Variants in TNFRSF10D observed in about 807,000 individuals in gnomAD.
The protein encoded by TNFRSF10D is tumor necrosis factor receptor superfamily member 10D.
Under a neutral mutation model 42.1 loss-of-function variants are expected in TNFRSF10D, and 28 were observed. The ratio of observed to expected loss-of-function variants is 0.66; its 90% confidence interval spans 0.49 to 0.91. The LOEUF (loss-of-function observed/expected upper bound fraction) is 0.91, where lower values mean the gene tolerates loss of function less well. Among genes scored for constraint, TNFRSF10D ranks in the 40% least tolerant of loss-of-function variants. TNFRSF10D has a pLI of 0.00. For missense variants in TNFRSF10D, 503 were observed against 486.1 expected (o/e 1.03, Z -0.33); for synonymous variants, 186 against 189.4 (o/e 0.98, Z 0.15).
intron 7 of TNFRSF10D, among the ~76,000 whole-genome samples, chr8:23,140,032 G>A (rs900117364): frequency 2.0e-5 from 3 of 152,144 alleles, no homozygotes; most frequent in East Asian, 3.8e-4. Flanking sequence ...GCTCACGCCT[G>A]TAATCTCAGC....
intron 1 of TNFRSF10D, among the ~76,000 whole-genome samples, chr8:23,161,090 G>A (rs369029186): frequency 8.5e-5 from 13 of 152,370 alleles, no homozygotes; most frequent in East Asian, 1.9e-4. Context: ...GATCCAGTCC[G>A]GAGTGACTGA....
Position 23,136,032 on chromosome 8 carries a change from C to A in TNFRSF10D, c.*1838G>T. Reference sequence around the variant, plus strand: ...ATCCCCTCCTAAAACTCCATGGACACAACAATCTGAATGTGCGAACTTCAG... The same window carrying A: ...ATCCCCTCCTAAAACTCCATGGACAAAACAATCTGAATGTGCGAACTTCAG... On this transcript the variant is annotated 3_prime_UTR_variant, in exon 9 of 9. Coordinates refer to ENST00000312584, the MANE Select transcript of TNFRSF10D (RefSeq NM_003840.5). The A allele has an allele frequency of 2.4e-6, 1 of 408,684 alleles. No homozygotes were observed. Among genetic ancestry groups the A allele is most frequent in the East Asian group, 7.2e-5 (1 of 13,950 alleles). 25.3% of individuals were successfully genotyped at this position (408,684 alleles called of 1,614,324 possible). A position where few individuals can be genotyped will look rare whatever the true frequency, so the allele number is the denominator to read the frequency against.
chr8:23,140,502 T>A (rs546322619), intron 7 of TNFRSF10D, among the ~76,000 whole-genome samples: 1 of 151,870 alleles, frequency 6.6e-6, no homozygotes, highest in Non-Finnish European at 1.5e-5. Context: ...ATAGATAACA[T>A]GAACAAATGG....
rs1487659703 is a variant in TNFRSF10D, at chr8:23,148,497, T to A, written c.311A>T (p.Asp104Val). The part of the protein sequence containing the change: ...GACNPCTEGV[D>V]YTIASNNLPS... ...CAAATTGTTGGAAGCAATGGTGTAATCCACACCCTCTGTGCACGGGTTACA... is the reference window on the plus strand; with the variant it reads ...CAAATTGTTGGAAGCAATGGTGTAAACCACACCCTCTGTGCACGGGTTACA... Residue 104 changes from aspartate (D) to valine (V), a missense_variant, in exon 3 of 9, where the codon GAT becomes GTT. Physicochemically the swap from Asp to Val is radical, Grantham distance 152. Transcript: ENST00000312584. 1 of 1,611,294 alleles carries A rather than the reference T, an allele frequency of 6.2e-7. No individual in the cohort carries two copies. The highest frequency in any genetic ancestry group is 1.3e-5 in the African/African-American group (1 of 74,936).
intron 3 of TNFRSF10D, among the ~76,000 whole-genome samples, chr8:23,147,376 C>G (rs7001784): frequency 0.013 from 1,920 of 152,314 alleles, 57 homozygotes; most frequent in African/African-American, 0.043. Flanking sequence ...AGGAGAGGGG[C>G]CCTTGGGGGA....
At position 23,135,996 on chromosome 8, in the gene TNFRSF10D, C is replaced by T; in HGVS notation, c.*1874G>A. 2.3e-6 allele frequency: 1 copy of T among 439,092 alleles called. No homozygotes were observed. The highest frequency in any genetic ancestry group is 4.6e-6 in the Non-Finnish European group (1 of 219,216). 27.2% of individuals were successfully genotyped at this position (439,092 alleles called of 1,614,324 possible). ...GTGGGAGAGGATGGAAGTGCGAAGACCGGAAAGGCCATCCCCTCCTAAAAC... is the reference window on the plus strand; with the variant it reads ...GTGGGAGAGGATGGAAGTGCGAAGATCGGAAAGGCCATCCCCTCCTAAAAC... On this transcript the variant is annotated 3_prime_UTR_variant, in exon 9 of 9. Coordinates refer to ENST00000312584, the MANE Select transcript of TNFRSF10D (RefSeq NM_003840.5).
chr8:23,135,839 C>A lies in TNFRSF10D; in HGVS notation c.*2031G>T, dbSNP rs892519146. ...GAGGAAGGGACAAAGGAGCTGGGAC[C>A]GGACTGGCTCTCTCTGAGCTTTGAG... is the stretch of plus-strand genomic sequence containing the variant. On this transcript the variant is annotated 3_prime_UTR_variant, in exon 9 of 9. Transcript: ENST00000312584. The A allele has an allele frequency of 2.2e-6, 1 of 447,340 alleles. No homozygotes were observed. The highest frequency in any genetic ancestry group is 1.6e-5 in the South Asian group (1 of 63,242). 27.7% of individuals were successfully genotyped at this position (447,340 alleles called of 1,614,324 possible).
In TNFRSF10D at chr8:23,150,186, C is replaced by T. The variant is rs568938079; in HGVS notation, c.257-1635G>A. 4.6e-5 allele frequency among the ~76,000 whole-genome samples: 7 copies of T among 151,636 alleles called. No homozygotes were observed. In the South Asian group the frequency reaches 1.0e-3, roughly 23 times the overall value. On this transcript the variant is annotated intron_variant, in intron 2 of 8. Coordinates refer to ENST00000312584, the MANE Select transcript of TNFRSF10D (RefSeq NM_003840.5). ...TCTGTCCTAGTGCCAGGTCAGTCCC[C>T]ATGAACTCAGGCTCCAGGCCCTTCC...
intron 2 of TNFRSF10D, among the ~76,000 whole-genome samples, chr8:23,150,170 G>A (rs1177172489): frequency 6.1e-3 from 928 of 152,180 alleles, no homozygotes; most frequent in African/African-American, 0.019. Flanking sequence ...ATCTGTCCTA[G>A]TGCCAGGTCA....
At chr8:23,152,770 T>C (rs1323797886) in intron 2 of TNFRSF10D, among the ~76,000 whole-genome samples, 1 of 152,210 alleles carries the variant, frequency 6.6e-6, no homozygotes, top group Non-Finnish European at 1.5e-5. Flanking sequence ...GAAAACTCAA[T>C]ATTGCTTAAT....
In TNFRSF10D at chr8:23,135,722, C is replaced by T. The variant is rs1187510048; in HGVS notation, c.*2148G>A. 1,318 of 291,716 alleles carry T rather than the reference C, an allele frequency of 4.5e-3. No individual in the cohort carries two copies. Among genetic ancestry groups the T allele is most frequent in the African/African-American group, 0.017 (776 of 45,274 alleles). 18.1% of individuals were successfully genotyped at this position (291,716 alleles called of 1,614,324 possible). A position where few individuals can be genotyped will look rare whatever the true frequency, so the allele number is the denominator to read the frequency against. ...ATCAACCAACGCCAAAAAACCCCAA[C>T]AATTTCATGTTGTCAGGAAGCTTAT... is the stretch of plus-strand genomic sequence containing the variant. On this transcript the variant is annotated 3_prime_UTR_variant, in exon 9 of 9. Transcript: ENST00000312584.
rs34813158 is a variant in TNFRSF10D at position 23,155,240 on chromosome 8, G to GTT, written c.151-263_151-262dup. 1.2e-3 allele frequency among the ~76,000 whole-genome samples: 170 copies of GTT among 143,740 alleles called. 2 individuals carry two copies. The highest frequency in any genetic ancestry group is 4.8e-4 in the Admixed American group (7 of 14,454). 94.3% of individuals were successfully genotyped at this position (143,740 alleles called of 152,430 possible). On this transcript the variant is annotated intron_variant, in intron 1 of 8. Transcript: ENST00000312584. Reference sequence around the variant, plus strand: ...TACCCCAGAAAATATGAGCAGAAGAGTTTTTTTTTTTTTTTGATAGAGTCT... The same window carrying GTT: ...TACCCCAGAAAATATGAGCAGAAGAGTTTTTTTTTTTTTTTTTGATAGAGTCT...
At position 23,139,995 on chromosome 8, in the gene TNFRSF10D, A is replaced by T. The variant is rs114920122; in HGVS notation, c.955-1735T>A. 8.8e-3 allele frequency among the ~76,000 whole-genome samples: 1,334 copies of T among 152,136 alleles called. 21 individuals are homozygous for T. The highest frequency in any genetic ancestry group is 0.031 in the African/African-American group (1,282 of 41,492). The stretch of plus-strand genomic sequence containing the variant: ...CCCGTCTCTACTAAAGAATACAAAA[A>T]TTAACGGGGCGTAGCTGGGTACGGT... On this transcript the variant is annotated intron_variant, in intron 7 of 8. Coordinates refer to ENST00000312584, the MANE Select transcript of TNFRSF10D (RefSeq NM_003840.5).
chr8:23,138,348 G>T, intron 7 of TNFRSF10D, 88 bp from the exon 8 acceptor site: 2 of 1,432,794 alleles, frequency 1.4e-6, no homozygotes, highest in Non-Finnish European at 2.0e-6. Flanking sequence ...CAAGAGACCT[G>T]CAGCGCTTTC....
At chr8:23,143,747 A>C (rs1173597721) in intron 7 of TNFRSF10D, among the ~76,000 whole-genome samples, 1 of 152,220 alleles carries the variant, frequency 6.6e-6, no homozygotes, top group Non-Finnish European at 1.5e-5. Flanking sequence ...CTCACTTCAC[A>C]CAGCATCACA....
intron 1 of TNFRSF10D, among the ~76,000 whole-genome samples, chr8:23,160,763 C>G (rs967038588): frequency 1.3e-5 from 2 of 152,206 alleles, no homozygotes; most frequent in African/African-American, 4.8e-5. Context: ...GGGACCGTGG[C>G]CTCTCAGTAG....
At chr8:23,154,484 A>G (rs1800248039) in intron 2 of TNFRSF10D, among the ~76,000 whole-genome samples, 1 of 152,234 alleles carries the variant, frequency 6.6e-6, no homozygotes, top group Non-Finnish European at 1.5e-5. Context: ...ACCTAATGCA[A>G]TAGACATGCT....
chr8:23,145,052 A>G lies in TNFRSF10D; in HGVS notation c.768+6T>C, dbSNP rs1800094687. 2 of 1,614,076 alleles carry G rather than the reference A, an allele frequency of 1.2e-6. No homozygotes were observed. Among genetic ancestry groups the G allele is most frequent in the African/African-American group, 1.3e-5 (1 of 75,024 alleles). On this transcript the variant is annotated splice_donor_region_variant and intron_variant, in intron 6 of 8. Transcript: ENST00000312584. Reference sequence around the variant, plus strand: ...AAGCCCCCAGTTTCTGGAGAAACCAACTCACTCTGTGCACACGTTCGGGAC... The same window carrying G: ...AAGCCCCCAGTTTCTGGAGAAACCAGCTCACTCTGTGCACACGTTCGGGAC...
chr8:23,143,137 C>T (rs562238947), intron 7 of TNFRSF10D, among the ~76,000 whole-genome samples: 82 of 152,212 alleles, frequency 5.4e-4, no homozygotes, highest in African/African-American at 1.8e-3. Context: ...CTACCACGCC[C>T]GGCTAATTTT....
Sources: gnomAD v4.1 joint callset for allele counts (sites outside exome capture counted in the v4.1 genomes callset) on GRCh38, gnomAD v4.1.1 for gene constraint, MANE v1.5 for transcripts, NCBI Gene and HGNC (gene_info 2026-07-23, HGNC 2026-07-21) for gene names.